Variants in NPC1 observed in about 807,000 individuals in gnomAD.
NPC1 encodes the protein Niemann-Pick C1 protein.
In NPC1, 85 loss-of-function variants were observed where a neutral mutation model predicts 140.4. That is an observed-to-expected ratio of 0.61 (90% CI 0.51 to 0.72). The LOEUF (loss-of-function observed/expected upper bound fraction) is 0.72, where lower values mean the gene tolerates loss of function less well. Among genes scored for constraint, NPC1 ranks in the 30% least tolerant of loss-of-function variants. NPC1 has a pLI of 0.00. For missense variants in NPC1, 1,504 were observed against 1,623.8 expected (o/e 0.93, Z 1.27); for synonymous variants, 656 against 624.8 (o/e 1.05, Z -0.74).
chr18:23,552,068 G>C (rs1033384335), intron 9 of NPC1, among the ~76,000 whole-genome samples: 1 of 152,208 alleles, frequency 6.6e-6, no homozygotes, highest in African/African-American at 2.4e-5. Context: ...TTTCACCAAA[G>C]AGGGAGGACA....
intron 4 of NPC1, among the ~76,000 whole-genome samples, chr18:23,565,327 T>A (rs1327711709): frequency 6.6e-6 from 1 of 152,184 alleles, no homozygotes. Flanking sequence ...CCTCGTTAAT[T>A]TCGCTGAATA....
intron 11 of NPC1, among the ~76,000 whole-genome samples, chr18:23,546,097 A>T (rs2058784870): frequency 1.3e-5 from 2 of 151,916 alleles, no homozygotes; most frequent in South Asian, 4.2e-4. Flanking sequence ...AAAAATACAA[A>T]AATTAGCCAG....
At chr18:23,561,771 A>G (rs2059043359) in intron 4 of NPC1, among the ~76,000 whole-genome samples, 1 of 152,202 alleles carries the variant, frequency 6.6e-6, no homozygotes, top group Non-Finnish European at 1.5e-5. Context: ...AGGAAAGGGA[A>G]AGGCACACGT....
In NPC1 at chr18:23,539,842, G is replaced by T; in HGVS notation, c.2764C>A (p.Gln922Lys). Residue 922 changes from glutamine to lysine, a missense_variant, in exon 18 of 25, where the codon CAG becomes AAG. Gln to Lys is a moderately conservative substitution (Grantham distance 53). Transcript: ENST00000269228. Reference protein sequence around the residue: ...MGCNNDSLVQQIFNAAQLDNY... With the variant: ...MGCNNDSLVQKIFNAAQLDNY... Reference sequence around the variant, plus strand: ...TCCAGCTGCGCCGCGTTAAATATCTGCTGCACCAGGGAATCATTGTTGCAG... The same window carrying T: ...TCCAGCTGCGCCGCGTTAAATATCTTCTGCACCAGGGAATCATTGTTGCAG... 6.2e-7 allele frequency: 1 copy of T among 1,614,174 alleles called. No individual in the cohort carries two copies.
intron 4 of NPC1, 98 bp from the exon 5 acceptor site, chr18:23,561,625 C>G (rs2059040855): frequency 1.8e-6 from 2 of 1,135,252 alleles, no homozygotes; most frequent in Admixed American, 3.4e-5. Flanking sequence ...AACACGAACT[C>G]CATATGCACC....
At position 23,531,502 on chromosome 18, in the gene NPC1, G is replaced by A. The variant is rs2058505710; in HGVS notation, c.*700C>T. On this transcript the variant is annotated 3_prime_UTR_variant, in exon 25 of 25. Coordinates refer to ENST00000269228, the MANE Select transcript of NPC1 (RefSeq NM_000271.5). ...GCAGATAGGGTAACCCCAAAACTTA[G>A]GAAAACAATGTATTTTATTAAAGAA... 1.1e-5 allele frequency: 17 copies of A among 1,481,466 alleles called. No individual in the cohort carries two copies. The highest frequency in any genetic ancestry group is 1.4e-5 in the Non-Finnish European group (16 of 1,123,592). The allele number at this position is 1,481,466 out of a possible 1,614,324, so 91.8% of individuals were successfully genotyped here.
downstream of NPC1, chr18:23,530,557 C>G: frequency 6.2e-7 from 1 of 1,614,204 alleles, no homozygotes; most frequent in Non-Finnish European, 8.5e-7. Context: ...ATACAATATT[C>G]CGCTTTTTTG....
In NPC1 at chr18:23,545,077, T is replaced by C. The variant is rs2058770077; in HGVS notation, c.1830A>G (p.Glu610=). ...TISFTAERSI[E]DELNRESDSD... is the part of the protein sequence containing the mutation. ...TGTCACTTTCACGATTTAGTTCATC[T>C]TCAATACTTCGTTCAGCAGTGAAGG... is the stretch of plus-strand genomic sequence containing the variant. The change falls in exon 12 of 25, where the codon GAA becomes GAG. Residue 610 remains glutamate, a synonymous_variant. Transcript: ENST00000269228. 6.2e-7 allele frequency: 1 copy of C among 1,613,030 alleles called. No individual in the cohort carries two copies. The highest frequency in any genetic ancestry group is 1.1e-5 in the South Asian group (1 of 91,058).
rs1320069100 is a variant in NPC1 at position 23,567,780 on chromosome 18, G to A, written c.463+1043C>T. On this transcript the variant is annotated intron_variant, in intron 4 of 24. Coordinates refer to ENST00000269228, the MANE Select transcript of NPC1 (RefSeq NM_000271.5). Reference sequence around the variant, plus strand: ...TTTTTCAAGTAGTTTTGAAACGATTGTACCAAATTATGGTTGTAAGTGGTG... The same window carrying A: ...TTTTTCAAGTAGTTTTGAAACGATTATACCAAATTATGGTTGTAAGTGGTG... 5.3e-5 allele frequency among the ~76,000 whole-genome samples: 8 copies of A among 152,284 alleles called. No individual in the cohort carries two copies. The East Asian group carries it at 9.6e-4, about 18-fold the overall frequency.
At chr18:23,573,346 G>C in intron 2 of NPC1, 106 bp downstream of exon 2, 1 of 1,475,384 alleles carries the variant, frequency 6.8e-7, no homozygotes, top group Non-Finnish European at 9.5e-7. Context: ...ACTTAAGCCT[G>C]TTAGTCTCAT....
In NPC1 at chr18:23,531,688, G is replaced by T; in HGVS notation, c.*514C>A. ...ATTTTTGGAGACCAAGCTCTAATGA[G>T]GCCTACAACATTCTGAAATCACTTG... On this transcript the variant is annotated 3_prime_UTR_variant, in exon 25 of 25. Coordinates refer to ENST00000269228, the MANE Select transcript of NPC1 (RefSeq NM_000271.5). 1 of 1,611,222 alleles carries T rather than the reference G, an allele frequency of 6.2e-7. No homozygotes were observed. Among genetic ancestry groups the T allele is most frequent in the South Asian group, 1.1e-5 (1 of 89,958 alleles).
chr18:23,516,071 G>A, intron 3 of NPC1: 1 of 1,597,950 alleles, frequency 6.3e-7, no homozygotes, highest in South Asian at 1.1e-5. Context: ...TAATGTGTCA[G>A]GCACGTTAGG....
chr18:23,535,204 T>C (rs1352902076), intron 22 of NPC1, among the ~76,000 whole-genome samples: 1 of 152,082 alleles, frequency 6.6e-6, no homozygotes, highest in East Asian at 1.9e-4. Context: ...CCGCAAGGAA[T>C]GGGACAAGAG....
Position 23,586,423 on chromosome 18 carries a change from T to C in NPC1, c.-80A>G. On this transcript the variant is annotated 5_prime_UTR_variant, in exon 1 of 25. Transcript: ENST00000269228. ...CGGAGGCGGCTCTACTTCCCCGGGC[T>C]GTTTCAGCACCCCGCGCAGGAGGAG... is the stretch of plus-strand genomic sequence containing the variant. 1 of 1,524,276 alleles carries C rather than the reference T, an allele frequency of 6.6e-7. No individual in the cohort carries two copies. The highest frequency in any genetic ancestry group is 8.8e-7 in the Non-Finnish European group (1 of 1,142,070). 94.4% of individuals were successfully genotyped at this position (1,524,276 alleles called of 1,614,324 possible). A position where few individuals can be genotyped will look rare whatever the true frequency, so the allele number is the denominator to read the frequency against.
downstream of NPC1, chr18:23,530,478 G>A: frequency 6.2e-7 from 1 of 1,614,234 alleles, no homozygotes. Context: ...GGCATTGGTG[G>A]CCATGACAAC....
chr18:23,583,866 A>C (rs1347828173), intron 1 of NPC1, among the ~76,000 whole-genome samples: 2 of 152,224 alleles, frequency 1.3e-5, no homozygotes, highest in Admixed American at 1.3e-4. Flanking sequence ...GCATCAGTCA[A>C]GGAGTGGGAA....
chr18:23,522,818 C>G (rs1443616665), exon 2 of NPC1: 1 of 152,360 alleles, frequency 6.6e-6, no homozygotes, highest in Admixed American at 6.5e-5. Context: ...TTGTTTCCTG[C>G]TGGGCTGTGA....
At position 23,506,896 on chromosome 18, in the gene NPC1, CTT is replaced by C. The variant is rs1377787168; in HGVS notation, c.432-256_432-255del. 3.4e-5 allele frequency: 35 copies of C among 1,044,122 alleles called. No homozygotes were observed. In the Admixed American group the frequency reaches 5.7e-4, roughly 17 times the overall value. 64.7% of individuals were successfully genotyped at this position (1,044,122 alleles called of 1,614,324 possible). A position where few individuals can be genotyped will look rare whatever the true frequency, so the allele number is the denominator to read the frequency against. On this transcript the variant is annotated intron_variant, in intron 3 of 3. Transcript: ENST00000591107. The stretch of plus-strand genomic sequence containing the variant: ...GCTGCCTCCTGAATATAGATTGTGT[CTT>C]TTGCCTTTTCAATAAATGGTAGTAG...
intron 6 of NPC1, among the ~76,000 whole-genome samples, chr18:23,559,952 C>T (rs1598983947): frequency 1.3e-5 from 2 of 150,892 alleles, no homozygotes; most frequent in African/African-American, 4.9e-5. Context: ...GAGTGAGACT[C>T]AGTCTCCAAA....
Sources: allele counts gnomAD v4.1 joint callset (sites outside exome capture counted in the v4.1 genomes callset), GRCh38; gene constraint gnomAD v4.1.1; transcripts MANE v1.5; gene names NCBI Gene and HGNC (gene_info 2026-07-23, HGNC 2026-07-21).